Variants in ZEB1 observed in about 807,000 individuals in gnomAD.
ZEB1 encodes the protein zinc finger E-box binding homeobox 1.
In ZEB1, 21 loss-of-function variants were observed where a neutral mutation model predicts 84.9. The ratio of observed to expected loss-of-function variants is 0.25; its 90% CI spans 0.18 to 0.36. The LOEUF is 0.36. ZEB1 is among the 10% of genes least tolerant of loss of function. The pLI, the probability that ZEB1 is intolerant of heterozygous loss-of-function variation, is 1.00. For synonymous variants in ZEB1, 420 were observed against 471.1 expected, an observed-to-expected ratio of 0.89 and a Z score of 1.41; for missense variants, 1,104 against 1,330.2, an observed-to-expected ratio of 0.83 and a Z score of 2.65.
intron 1 of ZEB1, among the ~76,000 whole-genome samples, chr10:31,333,807 G>A (rs185884692): frequency 6.6e-6 from 1 of 152,118 alleles, no homozygotes; most frequent in East Asian, 1.9e-4. Flanking sequence ...TTTATATGCT[G>A]TTTACAAGCA....
At chr10:31,497,962 T>TAGATAGAC (rs1396000604) in intron 3 of ZEB1, among the ~76,000 whole-genome samples, 3 of 150,764 alleles carry the variant, frequency 2.0e-5, no homozygotes, top group South Asian at 2.2e-4. Context: ...GATAGATAGA[T>TAGATAGAC]AGATAGATAG....
chr10:31,469,730 C>T (rs537575589), intron 2 of ZEB1, among the ~76,000 whole-genome samples: 2,304 of 152,328 alleles, frequency 0.015, 43 homozygotes, highest in African/African-American at 0.052. Context: ...GGAGGCCTGC[C>T]TGCCTCTGTA....
chr10:31,412,601 A>G (rs1480156348), intron 1 of ZEB1, among the ~76,000 whole-genome samples: 4 of 152,162 alleles, frequency 2.6e-5, no homozygotes, highest in Admixed American at 2.0e-4. Context: ...ATCCTTTTTT[A>G]TGGCTGCATA....
intron 1 of ZEB1, among the ~76,000 whole-genome samples, chr10:31,447,811 G>A (rs1006264370): frequency 6.6e-6 from 1 of 152,090 alleles, no homozygotes; most frequent in East Asian, 1.9e-4. Flanking sequence ...TCCCTTTGAG[G>A]GTAACCCGAC....
At chr10:31,441,002 A>G (rs544890501) in intron 1 of ZEB1, among the ~76,000 whole-genome samples, 15 of 152,316 alleles carry the variant, frequency 9.8e-5, no homozygotes, top group African/African-American at 3.1e-4. Flanking sequence ...TATAGATTCA[A>G]TGCCATCCCC....
intron 1 of ZEB1, among the ~76,000 whole-genome samples, chr10:31,336,013 C>T (rs954348836): frequency 3.9e-5 from 6 of 152,096 alleles, no homozygotes; most frequent in Admixed American, 1.3e-4. Context: ...AATCTAACAA[C>T]GTGCTCAATA....
intron 1 of ZEB1, among the ~76,000 whole-genome samples, chr10:31,339,173 T>C (rs1590083222): frequency 6.6e-6 from 1 of 152,324 alleles, no homozygotes. Flanking sequence ...TAGCCATATA[T>C]GCTCACTATA....
intron 1 of ZEB1, among the ~76,000 whole-genome samples, chr10:31,341,307 C>CT (rs1305296134): frequency 6.6e-6 from 1 of 151,952 alleles, no homozygotes; most frequent in African/African-American, 2.4e-5. Flanking sequence ...AGAGTCTGTA[C>CT]TTTTTTTGTT....
At chr10:31,467,584 A>G (rs2062601811) in intron 2 of ZEB1, among the ~76,000 whole-genome samples, 1 of 152,128 alleles carries the variant, frequency 6.6e-6, no homozygotes, top group African/African-American at 2.4e-5. Context: ...CTACCTGGGA[A>G]CACTTTACTC....
intron 1 of ZEB1, among the ~76,000 whole-genome samples, chr10:31,403,698 C>G (rs1378472008): frequency 6.6e-6 from 1 of 151,926 alleles, no homozygotes; most frequent in Non-Finnish European, 1.5e-5. Context: ...ATGCCCAATA[C>G]TGTGGATATT....
chr10:31,524,417 C>CGGGTTGATAT (rs1201345605), intron 8 of ZEB1, among the ~76,000 whole-genome samples: 103 of 152,178 alleles, frequency 6.8e-4, no homozygotes, highest in African/African-American at 2.3e-3. Context: ...CCATGTTGCC[C>CGGGTTGATAT]AGGCTGGTCT....
chr10:31,363,920 C>CAGGTGCAGG (rs1404013012), intron 1 of ZEB1: 3 of 1,313,968 alleles, frequency 2.3e-6, no homozygotes, highest in Non-Finnish European at 2.9e-6. Context: ...CGGGCAGGCA[C>CAGGTGCAGG]AGGTGCAGGA....
intron 1 of ZEB1, among the ~76,000 whole-genome samples, chr10:31,428,803 A>C (rs1448515862): frequency 2.6e-5 from 4 of 152,206 alleles, no homozygotes; most frequent in Non-Finnish European, 5.9e-5. Context: ...TTACCATTGT[A>C]TAATGCCCTT....
intron 2 of ZEB1, among the ~76,000 whole-genome samples, chr10:31,472,542 G>T (rs1377620823): frequency 2.0e-5 from 3 of 147,444 alleles, no homozygotes; most frequent in Admixed American, 6.7e-5. Context: ...CCAATAACAG[G>T]ATCTGAAATT....
At chr10:31,338,906 T>TGGG (rs1018280000) in intron 1 of ZEB1, among the ~76,000 whole-genome samples, 22 of 152,120 alleles carry the variant, frequency 1.4e-4, no homozygotes, top group African/African-American at 5.1e-4. Flanking sequence ...AAATCATTTA[T>TGGG]GGGAGAGTGA....
chr10:31,392,914 A>C (rs1193538383), intron 1 of ZEB1, among the ~76,000 whole-genome samples: 1 of 152,086 alleles, frequency 6.6e-6, no homozygotes, highest in African/African-American at 2.4e-5. Context: ...AGCTCACTGG[A>C]GCCTCGACCT....
chr10:31,515,056 G>A (rs1444679420), intron 6 of ZEB1, among the ~76,000 whole-genome samples: 2 of 152,150 alleles, frequency 1.3e-5, no homozygotes, highest in Admixed American at 1.3e-4. Flanking sequence ...ATAGAGATAC[G>A]ATTTGCACAA....
intron 1 of ZEB1, among the ~76,000 whole-genome samples, chr10:31,330,179 C>T (rs2133229717): frequency 6.6e-6 from 1 of 152,190 alleles, no homozygotes; most frequent in East Asian, 1.9e-4. Flanking sequence ...GTCTGTAATC[C>T]ATTTCAGGTT....
chr10:31,497,746 G>T (rs11813887), intron 3 of ZEB1, among the ~76,000 whole-genome samples: 1 of 152,138 alleles, frequency 6.6e-6, no homozygotes, highest in South Asian at 2.1e-4. Context: ...TCTGCAGCTC[G>T]TGAAGTTAAG....
Sources: gnomAD v4.1 joint callset for allele counts (sites outside exome capture counted in the v4.1 genomes callset) on GRCh38, gnomAD v4.1.1 for gene constraint, MANE v1.5 for transcripts, NCBI Gene and HGNC (gene_info 2026-07-23, HGNC 2026-07-21) for gene names.